Variants in RAB8B observed in about 807,000 individuals in gnomAD.
RAB8B encodes ras-related protein Rab-8B.
In RAB8B, 11 loss-of-function variants were observed where a neutral mutation model predicts 32.0. That is an observed-to-expected ratio of 0.34 (90% confidence interval 0.22 to 0.57). The LOEUF (loss-of-function observed/expected upper bound fraction) is 0.57, where lower values mean the gene tolerates loss of function less well. RAB8B is among the 20% of genes least tolerant of loss of function. The pLI is 0.86. For synonymous variants in RAB8B, 103 were observed against 89.6 expected (o/e 1.15, Z -0.85); for missense variants, 190 against 258.5 (o/e 0.73, Z 1.82).
At chr15:63,219,909 CT>C (rs2046261955) in intron 1 of RAB8B, among the ~76,000 whole-genome samples, 1 of 152,162 alleles carries the variant, frequency 6.6e-6, no homozygotes, top group South Asian at 2.1e-4. Context: ...GCTTTCTACT[CT>C]TTCTACATGG....
rs1260822875 is a variant in RAB8B, at chr15:63,267,164, A to G, written c.*3545A>G. The G allele has an allele frequency of 1.3e-5, 2 of 152,584 alleles. No individual in the cohort carries two copies. Among genetic ancestry groups the G allele is most frequent in the Admixed American group, 6.5e-5 (1 of 15,282 alleles). The allele number at this position is 152,584 out of a possible 1,614,324, so 9.5% of individuals were successfully genotyped here. A position where few individuals can be genotyped will look rare whatever the true frequency, so the allele number is the denominator to read the frequency against. On this transcript the variant is annotated 3_prime_UTR_variant, in exon 8 of 8. Transcript: ENST00000321437. The stretch of plus-strand genomic sequence containing the variant: ...TAAAATAATTTCAAATTCTAGCACA[A>G]TTTTAGAGTAGAATAAGTCATTTTT...
chr15:63,207,605 G>C (rs571843121), intron 1 of RAB8B, among the ~76,000 whole-genome samples: 8 of 151,922 alleles, frequency 5.3e-5, no homozygotes, highest in Non-Finnish European at 8.8e-5. Flanking sequence ...CTGTCACCAG[G>C]CTGGAGTGCA....
At chr15:63,207,205 C>G (rs1390707917) in intron 1 of RAB8B, among the ~76,000 whole-genome samples, 1 of 152,166 alleles carries the variant, frequency 6.6e-6, no homozygotes, top group Admixed American at 6.5e-5. Context: ...ATGTCCATAT[C>G]TCCTGCCAGA....
At chr15:63,258,758 T>A (rs945011029) in intron 5 of RAB8B, among the ~76,000 whole-genome samples, 2 of 152,212 alleles carry the variant, frequency 1.3e-5, no homozygotes, top group African/African-American at 4.8e-5. Context: ...ATGACCAGTT[T>A]GATTGGTTGC....
At chr15:63,197,150 C>T (rs1485853419) in intron 1 of RAB8B, among the ~76,000 whole-genome samples, 1 of 151,384 alleles carries the variant, frequency 6.6e-6, no homozygotes, top group East Asian at 1.9e-4. Context: ...AGGCCAAATT[C>T]TATTTAAAAA....
At chr15:63,258,591 C>A (rs12906607) in intron 5 of RAB8B, among the ~76,000 whole-genome samples, 138,483 of 152,202 alleles carry the variant, frequency 0.91, 64,026 homozygotes, top group East Asian at 1. Context: ...GAAGCCAAAA[C>A]CACAAATTTA....
At chr15:63,227,446 G>T (rs979535639) in intron 1 of RAB8B, among the ~76,000 whole-genome samples, 1 of 151,706 alleles carries the variant, frequency 6.6e-6, no homozygotes, top group Non-Finnish European at 1.5e-5. Flanking sequence ...GTAACTTAGG[G>T]TTACTGTTAG....
chr15:63,236,604 A>C (rs1164843187), intron 1 of RAB8B, among the ~76,000 whole-genome samples: 3 of 152,088 alleles, frequency 2.0e-5, no homozygotes, highest in Non-Finnish European at 2.9e-5. Context: ...TGAAATACAA[A>C]AAGTCTTTTA....
chr15:63,251,956 A>G lies in RAB8B; in HGVS notation c.246+2251A>G, dbSNP rs111247008. 7.2e-3 allele frequency among the ~76,000 whole-genome samples: 1,090 copies of G among 152,150 alleles called. 8 individuals carry two copies. The highest frequency in any genetic ancestry group is 0.013 in the Non-Finnish European group (877 of 67,996). On this transcript the variant is annotated intron_variant, in intron 3 of 7. Coordinates refer to ENST00000321437, the MANE Select transcript of RAB8B (RefSeq NM_016530.3). The stretch of plus-strand genomic sequence containing the variant: ...GACAAGCACTATACTGGAGTCTGTC[A>G]CCATGGCATTTCAAACACATCAACA...
intron 1 of RAB8B, among the ~76,000 whole-genome samples, chr15:63,191,605 A>C (rs1406388866): frequency 6.6e-6 from 1 of 152,272 alleles, no homozygotes; most frequent in Non-Finnish European, 1.5e-5. Flanking sequence ...TCAAAGCCTC[A>C]AATAACAATT....
chr15:63,203,791 G>A (rs554768740), intron 1 of RAB8B, among the ~76,000 whole-genome samples: 13 of 152,208 alleles, frequency 8.5e-5, no homozygotes, highest in African/African-American at 2.9e-4. Flanking sequence ...GCTAGTAAAC[G>A]GCAGTCTAGT....
At chr15:63,197,133 T>C (rs1352497425) in intron 1 of RAB8B, among the ~76,000 whole-genome samples, 1 of 152,056 alleles carries the variant, frequency 6.6e-6, no homozygotes, top group Non-Finnish European at 1.5e-5. Context: ...AGCGTTTGGG[T>C]TGAATAAGGC....
At chr15:63,236,673 G>A (rs973988497) in intron 1 of RAB8B, among the ~76,000 whole-genome samples, 1 of 152,158 alleles carries the variant, frequency 6.6e-6, no homozygotes, top group Non-Finnish European at 1.5e-5. Flanking sequence ...GAGATATTTT[G>A]ATACAGGCAT....
Position 63,210,277 on chromosome 15 carries a change from C to T in RAB8B, c.124+20529C>T, listed in dbSNP as rs190659319. ...GGCCCTCTCTAGAGCTGTCAGTGCCCTGTGAACATTGGCCTGATTTAGACA... is the reference window on the plus strand; with the variant it reads ...GGCCCTCTCTAGAGCTGTCAGTGCCTTGTGAACATTGGCCTGATTTAGACA... On this transcript the variant is annotated intron_variant, in intron 1 of 7. Transcript: ENST00000321437. Among the ~76,000 whole-genome samples, 6 of 152,354 alleles carry T rather than the reference C, an allele frequency of 3.9e-5. No individual in the cohort carries two copies. In the East Asian group the frequency reaches 5.8e-4, roughly 15 times the overall value.
At chr15:63,229,715 AG>A (rs2037918656) in intron 1 of RAB8B, among the ~76,000 whole-genome samples, 3 of 131,424 alleles carry the variant, frequency 2.3e-5, no homozygotes, top group Non-Finnish European at 4.7e-5. Context: ...CTGGGGGCAG[AG>A]GTTGCAGTGA....
intron 1 of RAB8B, among the ~76,000 whole-genome samples, chr15:63,233,367 A>G (rs2037952039): frequency 6.6e-6 from 1 of 152,022 alleles, no homozygotes; most frequent in African/African-American, 2.4e-5. Flanking sequence ...CCCAGTCTCA[A>G]TCTAAGTAAC....
At chr15:63,232,599 T>C (rs1322941858) in intron 1 of RAB8B, among the ~76,000 whole-genome samples, 1 of 152,208 alleles carries the variant, frequency 6.6e-6, no homozygotes, top group African/African-American at 2.4e-5. Context: ...GTGTCACTGT[T>C]GACATATATA....
Position 63,263,834 on chromosome 15 carries a change from G to A in RAB8B, c.*215G>A. 1 of 485,438 alleles carries A rather than the reference G, an allele frequency of 2.1e-6. No homozygotes were observed. 30.1% of individuals were successfully genotyped at this position (485,438 alleles called of 1,614,324 possible). A position where few individuals can be genotyped will look rare whatever the true frequency, so the allele number is the denominator to read the frequency against. On this transcript the variant is annotated 3_prime_UTR_variant, in exon 8 of 8. Coordinates refer to ENST00000321437, the MANE Select transcript of RAB8B (RefSeq NM_016530.3). ...TCAAACATGGAAGCAATGAAGTGGA[G>A]ACACATGCAGGACCTAACTCGTTTT...
In RAB8B at chr15:63,259,713, G is replaced by T. The variant is rs557312127; in HGVS notation, c.480+21G>T. Reference sequence around the variant, plus strand: ...AAGAGGTAAGAAGGAAACGTTTGGTGACTGTTACGGAGCAGCACCAGTGCT... The same window carrying T: ...AAGAGGTAAGAAGGAAACGTTTGGTTACTGTTACGGAGCAGCACCAGTGCT... On this transcript the variant is annotated intron_variant, in intron 6 of 7. Transcript: ENST00000321437. This position sits in a 1 kb window ranked among gnomAD's most constrained non-coding sequence, Gnocchi z 4.4. 2 of 1,606,616 alleles carry T rather than the reference G, an allele frequency of 1.2e-6. No homozygotes were observed. Among genetic ancestry groups the T allele is most frequent in the African/African-American group, 1.3e-5 (1 of 74,858 alleles).
Sources: gnomAD v4.1 joint callset for allele counts (sites outside exome capture counted in the v4.1 genomes callset) on GRCh38, gnomAD v4.1.1 for gene constraint, Gnocchi (gnomAD v3.1) non-coding constraint, MANE v1.5 for transcripts, NCBI Gene and HGNC (gene_info 2026-07-23, HGNC 2026-07-21) for gene names.